Variants in ABLIM3 observed in about 807,000 individuals in gnomAD.
The protein encoded by ABLIM3 is actin binding LIM protein family member 3, also known as actin-binding LIM protein 3.
ABLIM3 carries 61 observed loss-of-function variants against 109.5 expected under a neutral mutation model. The ratio of observed to expected loss-of-function variants is 0.56; its 90% CI spans 0.45 to 0.69. The LOEUF (loss-of-function observed/expected upper bound fraction) is 0.69, where lower values mean the gene tolerates loss of function less well. ABLIM3 is among the 30% of genes least tolerant of loss of function. The pLI is 0.00. For missense variants in ABLIM3, 796 were observed against 889.5 expected (o/e 0.89, Z 1.34); for synonymous variants, 300 against 324.8 (o/e 0.92, Z 0.82).
chr5:149,237,958 T>G (rs1752391949), intron 11 of ABLIM3, among the ~76,000 whole-genome samples: 1 of 152,092 alleles, frequency 6.6e-6, no homozygotes. Flanking sequence ...AGCTGTTGTA[T>G]TTCTTATACT....
Position 149,247,937 on chromosome 5 carries a change from T to C in ABLIM3, c.1699+8T>C, listed in dbSNP as rs1405676919. On this transcript the variant is annotated splice_region_variant and intron_variant, in intron 18 of 23. Transcript: ENST00000309868. ...AGATGTCCCTCAATGGCTGTAAGCA[T>C]GGCTCTGGAAGCCCAACGGGGCGGG... 1 of 1,613,088 alleles carries C rather than the reference T, an allele frequency of 6.2e-7. No homozygotes were observed. Among genetic ancestry groups the C allele is most frequent in the Non-Finnish European group, 8.5e-7 (1 of 1,179,342 alleles).
chr5:149,199,121 G>A (rs1297352431), intron 4 of ABLIM3: 1 of 456,564 alleles, frequency 2.2e-6, no homozygotes, highest in Non-Finnish European at 4.4e-6. Flanking sequence ...AATTCAGCAA[G>A]TGTACGTTAA....
intron 10 of ABLIM3, among the ~76,000 whole-genome samples, chr5:149,234,304 A>G (rs1183598813): frequency 6.6e-6 from 1 of 152,220 alleles, no homozygotes; most frequent in Non-Finnish European, 1.5e-5. Flanking sequence ...GAAAACCTCA[A>G]TCTGATTGAC....
chr5:149,186,362 C>G lies in ABLIM3; in HGVS notation c.151+2773C>G, dbSNP rs1373411576. ...CCGGGAGGTGGAGGTTGCAGTGAGTCAAGATCACGCCACTGCACTCCAGCC... is the reference window on the plus strand; with the variant it reads ...CCGGGAGGTGGAGGTTGCAGTGAGTGAAGATCACGCCACTGCACTCCAGCC... On this transcript the variant is annotated intron_variant, in intron 3 of 23. Transcript: ENST00000309868. 2.9e-4 allele frequency among the ~76,000 whole-genome samples: 44 copies of G among 151,922 alleles called. 3 individuals carry two copies. Among genetic ancestry groups the G allele is most frequent in the Non-Finnish European group, 5.9e-4 (40 of 68,004 alleles).
chr5:149,142,225 C>A, intron 2 of ABLIM3, 117 bp downstream of exon 2: 2 of 1,430,652 alleles, frequency 1.4e-6, no homozygotes, highest in Non-Finnish European at 2.0e-6. Flanking sequence ...GGACACATGA[C>A]CCCCAGGCTC....
At chr5:149,142,976 T>C (rs773885969) in intron 2 of ABLIM3, among the ~76,000 whole-genome samples, 20 of 152,132 alleles carry the variant, frequency 1.3e-4, no homozygotes, top group Admixed American at 5.2e-4. Flanking sequence ...AGAACCCCTA[T>C]GAACAGTCAC....
At chr5:149,171,686 G>A (rs1301577944) in intron 2 of ABLIM3, among the ~76,000 whole-genome samples, 2 of 152,176 alleles carry the variant, frequency 1.3e-5, no homozygotes, top group Admixed American at 6.5e-5. Flanking sequence ...TGTGGACTTC[G>A]GGTTGAGAGT....
chr5:149,182,002 C>T (rs1462591102), intron 2 of ABLIM3, among the ~76,000 whole-genome samples: 4 of 152,206 alleles, frequency 2.6e-5, no homozygotes, highest in Non-Finnish European at 5.9e-5. Context: ...GCTCCTAAGG[C>T]TTCCAATTGG....
chr5:149,214,956 C>T (rs1354258711), intron 7 of ABLIM3, among the ~76,000 whole-genome samples: 3 of 152,128 alleles, frequency 2.0e-5, no homozygotes, highest in Non-Finnish European at 2.9e-5. Flanking sequence ...GATTTCAGTT[C>T]GTTAATAGAC....
chr5:149,202,479 G>C (rs1448772168), intron 5 of ABLIM3, among the ~76,000 whole-genome samples: 1 of 152,186 alleles, frequency 6.6e-6, no homozygotes, highest in Non-Finnish European at 1.5e-5. Flanking sequence ...CACTATTCAT[G>C]CTGCAAATGC....
chr5:149,249,101 G>T (rs1581241682), intron 18 of ABLIM3, among the ~76,000 whole-genome samples: 2 of 152,336 alleles, frequency 1.3e-5, no homozygotes, highest in Middle Eastern at 6.8e-3. Context: ...GAGAACTGAG[G>T]TTAAGCCACT....
intron 18 of ABLIM3, 100 bp downstream of exon 18, chr5:149,248,029 C>G: frequency 7.1e-7 from 1 of 1,411,992 alleles, no homozygotes; most frequent in Non-Finnish European, 9.5e-7. Context: ...CCTTGAGGCA[C>G]AGCCCATGCA....
At position 149,242,525 on chromosome 5, in the gene ABLIM3, C is replaced by G. The variant is rs763879831; in HGVS notation, c.1338C>G (p.Ile446Met). The G allele has an allele frequency of 6.2e-7, 1 of 1,614,052 alleles. No homozygotes were observed. The highest frequency in any genetic ancestry group is 1.3e-5 in the African/African-American group (1 of 74,914). Residue 446 changes from isoleucine (I) to methionine (M), a missense_variant, in exon 15 of 24, where the codon ATC becomes ATG. Ile to Met is a conservative substitution (Grantham distance 10, BLOSUM62 1). Coordinates refer to ENST00000309868, the MANE Select transcript of ABLIM3 (RefSeq NM_014945.5). ...GTAACATCTACCGGAAACCCCCGATCTACAAACGGCATGGTATGGTCAGAG... is the reference window on the plus strand; with the variant it reads ...GTAACATCTACCGGAAACCCCCGATGTACAAACGGCATGGTATGGTCAGAG... ...GDSNIYRKPP[I>M]YKRHGDLSTA...
At chr5:149,210,923 G>C (rs1158651219) in intron 7 of ABLIM3, 104 bp downstream of exon 7, 1 of 1,039,102 alleles carries the variant, frequency 9.6e-7, no homozygotes, top group Non-Finnish European at 1.5e-6. Flanking sequence ...TTTTTCCATA[G>C]CCTTTACCTC....
rs1489887523 is a variant in ABLIM3, at chr5:149,167,598, CATGA to C, written c.14-15851_14-15848del. Reference sequence around the variant, plus strand: ...CTAATCATTGTGTTTTTTAATTGCACATGAATTGTACAAAGTAAATTATTTTTTA... The same window carrying C: ...CTAATCATTGTGTTTTTTAATTGCACATTGTACAAAGTAAATTATTTTTTA... On this transcript the variant is annotated intron_variant, in intron 2 of 23. Coordinates refer to ENST00000309868, the MANE Select transcript of ABLIM3 (RefSeq NM_014945.5). 3.3e-5 allele frequency among the ~76,000 whole-genome samples: 5 copies of C among 152,128 alleles called. No homozygotes were observed. The East Asian group carries it at 9.6e-4, about 29-fold the overall frequency.
intron 2 of ABLIM3, among the ~76,000 whole-genome samples, chr5:149,175,727 C>T (rs6876815): frequency 0.31 from 46,437 of 152,022 alleles, 7,385 homozygotes; most frequent in East Asian, 0.51. Context: ...GCCATTTAGT[C>T]CTCCTTGCTT....
chr5:149,173,817 C>T (rs1351572297), intron 2 of ABLIM3, among the ~76,000 whole-genome samples: 4 of 151,984 alleles, frequency 2.6e-5, no homozygotes, highest in Non-Finnish European at 5.9e-5. Flanking sequence ...GTCAGGAGAT[C>T]GAGACCATCA....
chr5:149,259,810 A>C lies in ABLIM3; in HGVS notation c.*1406A>C. On this transcript the variant is annotated 3_prime_UTR_variant, in exon 24 of 24. Transcript: ENST00000309868. ...GGATGAAGAAGTGAAAATGACAATA[A>C]TGACTCTCAAGAGGCTGGCGATGTG... 1 of 579,130 alleles carries C rather than the reference A, an allele frequency of 1.7e-6. No individual in the cohort carries two copies. Among genetic ancestry groups the C allele is most frequent in the Non-Finnish European group, 3.1e-6 (1 of 326,152 alleles). 35.9% of individuals were successfully genotyped at this position (579,130 alleles called of 1,614,324 possible). A position where few individuals can be genotyped will look rare whatever the true frequency, so the allele number is the denominator to read the frequency against.
intron 8 of ABLIM3, chr5:149,217,333 G>T (rs959234935): frequency 4.3e-6 from 2 of 464,358 alleles, no homozygotes; most frequent in Non-Finnish European, 7.9e-6. Context: ...TCCTGGCTCT[G>T]CCTTGGGGGT....
Sources: allele counts gnomAD v4.1 joint callset (sites outside exome capture counted in the v4.1 genomes callset), GRCh38; gene constraint gnomAD v4.1.1; transcripts MANE v1.5; gene names NCBI Gene and HGNC (gene_info 2026-07-23, HGNC 2026-07-21).